CDKN2B-AS1: variants seen among roughly 807,000 people sequenced by gnomAD.
CDKN2B-AS1 encodes CDKN2B antisense RNA 1 (non-protein coding).
chr9:22,046,336 A>T (rs969495715), intron 1 of CDKN2B-AS1: 3 of 152,140 alleles, frequency 2.0e-5, no homozygotes, highest in African/African-American at 7.2e-5. Flanking sequence ...AACCACAGAA[A>T]GAGAGAAGTT....
intron 4 of CDKN2B-AS1, among the ~76,000 whole-genome samples, chr9:22,060,899 A>G (rs1423037295): frequency 6.6e-6 from 1 of 152,282 alleles, no homozygotes; most frequent in East Asian, 1.9e-4. Flanking sequence ...ATAGCACGAG[A>G]AAGATCGGCC....
At chr9:22,037,146 T>C (rs1822721377) in intron 1 of CDKN2B-AS1, among the ~76,000 whole-genome samples, 1 of 152,128 alleles carries the variant, frequency 6.6e-6, no homozygotes, top group South Asian at 2.1e-4. Context: ...TGGCCTAAAG[T>C]GGTTGTTCAA....
At chr9:22,008,745 C>G in intron 1 of CDKN2B-AS1, 1 of 1,610,558 alleles carries the variant, frequency 6.2e-7, no homozygotes, top group South Asian at 1.1e-5. Flanking sequence ...CCGCCGAGGC[C>G]GCGCCCCGCG....
chr9:22,012,703 T>G (rs1182184081), intron 1 of CDKN2B-AS1, among the ~76,000 whole-genome samples: 1 of 152,192 alleles, frequency 6.6e-6, no homozygotes, highest in East Asian at 1.9e-4. Context: ...TGCACACTTT[T>G]GCATATGATT....
At chr9:22,073,580 C>T (rs140694449) in intron 4 of CDKN2B-AS1, among the ~76,000 whole-genome samples, 60 of 152,216 alleles carry the variant, frequency 3.9e-4, no homozygotes, top group Non-Finnish European at 6.9e-4. Context: ...TGGAAATCTG[C>T]CCTCCAAAAT....
chr9:22,055,052 C>G (rs1352289738), intron 3 of CDKN2B-AS1, among the ~76,000 whole-genome samples: 1 of 152,178 alleles, frequency 6.6e-6, no homozygotes, highest in Non-Finnish European at 1.5e-5. Context: ...CACGCCCAGC[C>G]TGCCTGATTT....
intron 4 of CDKN2B-AS1, among the ~76,000 whole-genome samples, chr9:22,076,945 A>G (rs149000037): frequency 0.089 from 13,469 of 152,146 alleles, 1,644 homozygotes; most frequent in African/African-American, 0.28. Flanking sequence ...TCAGCCTCCC[A>G]AAGTGCTGGG....
intron 1 of CDKN2B-AS1, among the ~76,000 whole-genome samples, chr9:22,045,370 C>T (rs1429490954): frequency 6.6e-6 from 1 of 152,008 alleles, no homozygotes; most frequent in Non-Finnish European, 1.5e-5. Context: ...ATTTACTCAA[C>T]TCCACACTGC....
At chr9:22,009,314 A>G (rs1399504056) in intron 1 of CDKN2B-AS1, 3 of 420,330 alleles carry the variant, frequency 7.1e-6, no homozygotes, top group Non-Finnish European at 1.3e-5. Flanking sequence ...GTGGGGAGCC[A>G]GCCGGCAAAG....
intron 1 of CDKN2B-AS1, among the ~76,000 whole-genome samples, chr9:22,045,720 G>T (rs1823081871): frequency 1.3e-5 from 2 of 151,904 alleles, no homozygotes; most frequent in South Asian, 2.1e-4. Context: ...GTTAACCTTG[G>T]GGGTCATATT....
intron 4 of CDKN2B-AS1, chr9:22,119,894 C>G (rs1003461254): frequency 4.6e-5 from 7 of 152,168 alleles, no homozygotes; most frequent in African/African-American, 1.4e-4. Flanking sequence ...TAACCAACAT[C>G]CCAAACCCAG....
intron 4 of CDKN2B-AS1, among the ~76,000 whole-genome samples, chr9:22,068,046 C>T (rs1824133237): frequency 6.6e-6 from 1 of 152,126 alleles, no homozygotes; most frequent in African/African-American, 2.4e-5. Flanking sequence ...AGCCCCGAAG[C>T]TTCATAGTTC....
Position 22,021,480 on chromosome 9 carries a change from A to C in CDKN2B-AS1, n.30-25271A>C, listed in dbSNP as rs181640953. 3.3e-5 allele frequency among the ~76,000 whole-genome samples: 5 copies of C among 152,318 alleles called. No homozygotes were observed. In the East Asian group the frequency reaches 9.6e-4, roughly 29 times the overall value. On this transcript the variant is annotated intron_variant and non_coding_transcript_variant, in intron 1 of 4. Transcript: ENST00000650946. Reference sequence around the variant, plus strand: ...TATGAAGAGATTCAATGGTAGTTTCATAGGTATAGCACTGAATCTATAAAT... The same window carrying C: ...TATGAAGAGATTCAATGGTAGTTTCCTAGGTATAGCACTGAATCTATAAAT...
intron 4 of CDKN2B-AS1, among the ~76,000 whole-genome samples, chr9:22,083,123 C>A (rs140354541): frequency 6.6e-6 from 1 of 152,184 alleles, no homozygotes; most frequent in Non-Finnish European, 1.5e-5. Context: ...AAGAACTATA[C>A]GTATGTTATC....
intron 4 of CDKN2B-AS1, among the ~76,000 whole-genome samples, chr9:22,088,304 C>T (rs1202444021): frequency 6.6e-6 from 1 of 152,128 alleles, no homozygotes; most frequent in Non-Finnish European, 1.5e-5. Context: ...GAAGCAAGGA[C>T]AAGTAATAAT....
At chr9:21,994,999 G>C (rs1820576525), upstream of CDKN2B-AS1, 1 of 152,300 alleles carries the variant, frequency 6.6e-6, no homozygotes, top group Non-Finnish European at 1.5e-5. Context: ...CGCCAATCAG[G>C]AGGCTGAATG....
chr9:22,049,244 C>T (rs1354828022), intron 3 of CDKN2B-AS1: 3 of 152,116 alleles, frequency 2.0e-5, no homozygotes, highest in Non-Finnish European at 4.4e-5. Context: ...AGATATGAAA[C>T]GACCTTTTAG....
At chr9:22,021,553 A>G (rs1038382171) in intron 1 of CDKN2B-AS1, among the ~76,000 whole-genome samples, 4 of 152,218 alleles carry the variant, frequency 2.6e-5, no homozygotes, top group East Asian at 1.9e-4. Context: ...CTTCCTATAC[A>G]TGAGCATAGA....
At chr9:22,025,407 A>G (rs556602888) in intron 1 of CDKN2B-AS1, among the ~76,000 whole-genome samples, 1 of 152,284 alleles carries the variant, frequency 6.6e-6, no homozygotes, top group South Asian at 2.1e-4. Flanking sequence ...TTGCAGAGGT[A>G]GTGGCAGAGA....
Sources: allele counts gnomAD v4.1 joint callset (sites outside exome capture counted in the v4.1 genomes callset), GRCh38; gene constraint gnomAD v4.1.1; transcripts MANE v1.5; gene names NCBI Gene and HGNC (gene_info 2026-07-23, HGNC 2026-07-21).